The following KIF26B variants were observed in gnomAD, a reference collection of about 807,000 sequenced individuals.
KIF26B encodes kinesin family member 26B.
A neutral mutation model predicts 151.2 loss-of-function variants in KIF26B; 63 were observed. The ratio of observed to expected loss-of-function variants is 0.42; its 90% CI spans 0.34 to 0.51. The LOEUF is 0.51. Among genes scored for constraint, KIF26B ranks in the 20% least tolerant of loss-of-function variants. KIF26B has a pLI of 0.07. For missense variants in KIF26B, 2,813 were observed against 2,913.6 expected, an observed-to-expected ratio of 0.97 and a Z score of 0.79; for synonymous variants, 1,357 against 1,262.1, an observed-to-expected ratio of 1.08 and a Z score of -1.59.
chr1:245,582,961 C>G (rs1268212342), intron 5 of KIF26B, among the ~76,000 whole-genome samples: 3 of 152,082 alleles, frequency 2.0e-5, no homozygotes, highest in Non-Finnish European at 4.4e-5. Flanking sequence ...ACTCCATCCC[C>G]CACTCTCTCT....
intron 4 of KIF26B, among the ~76,000 whole-genome samples, chr1:245,490,536 C>T (rs1660388624): frequency 6.6e-6 from 1 of 152,104 alleles, no homozygotes; most frequent in Non-Finnish European, 1.5e-5. Flanking sequence ...TGGTCTCGAT[C>T]TCCTGACCTC....
intron 9 of KIF26B, among the ~76,000 whole-genome samples, 189 bp from the exon 10 acceptor site, chr1:245,645,932 G>T (rs983060077): frequency 2.0e-5 from 3 of 152,214 alleles, no homozygotes; most frequent in African/African-American, 7.2e-5. Context: ...GTGGTGGAAA[G>T]AATTTAAGAG....
chr1:245,492,775 CTTTTAT>C (rs74163058), intron 4 of KIF26B, among the ~76,000 whole-genome samples: 7 of 151,880 alleles, frequency 4.6e-5, no homozygotes, highest in Non-Finnish European at 8.8e-5. Context: ...GGAAATAAGT[CTTTTAT>C]TTTTATTTTT....
Position 245,688,694 on chromosome 1 carries a change from A to G in KIF26B, c.5711A>G (p.Asp1904Gly). The G allele has an allele frequency of 1.9e-6, 3 of 1,606,662 alleles. No individual in the cohort carries two copies. Among genetic ancestry groups the G allele is most frequent in the South Asian group, 2.2e-5 (2 of 89,922 alleles). Reference protein sequence around the residue: ...GSSGYESVMRDSEATGSASSA... With the variant: ...GSSGYESVMRGSEATGSASSA... ...AGCGGCTACGAGAGCGTGATGCGGG[A>G]CAGCGAGGCCACCGGCAGCGCGTCC... The change falls in exon 12 of 15, where the codon GAC (aspartate) becomes GGC (glycine). Residue 1904 changes from aspartate to glycine, a missense_variant. Transcript: ENST00000407071.
chr1:245,455,073 T>C (rs988637583), intron 4 of KIF26B, among the ~76,000 whole-genome samples: 1 of 152,210 alleles, frequency 6.6e-6, no homozygotes. Flanking sequence ...TACCACTTGC[T>C]GGTCTGTTGT....
At chr1:245,623,488 T>C (rs1423830647) in intron 9 of KIF26B, among the ~76,000 whole-genome samples, 4 of 152,232 alleles carry the variant, frequency 2.6e-5, no homozygotes, top group Admixed American at 2.6e-4. Flanking sequence ...TCCATTCATC[T>C]CTTGATGGAC....
chr1:245,258,731 A>G (rs1670584002), intron 2 of KIF26B, among the ~76,000 whole-genome samples: 1 of 152,022 alleles, frequency 6.6e-6, no homozygotes, highest in Non-Finnish European at 1.5e-5. Context: ...CAAGGCAGCT[A>G]CAGGAGCACA....
chr1:245,313,118 C>T (rs940152037), intron 2 of KIF26B, among the ~76,000 whole-genome samples: 2 of 152,160 alleles, frequency 1.3e-5, no homozygotes, highest in African/African-American at 4.8e-5. Context: ...AAGATCATGA[C>T]ACTGCACTTC....
intron 2 of KIF26B, among the ~76,000 whole-genome samples, chr1:245,228,495 G>A (rs1558353421): frequency 6.6e-6 from 1 of 151,820 alleles, no homozygotes; most frequent in African/African-American, 2.4e-5. Flanking sequence ...GAAACTGGGA[G>A]GTGGAGGTTG....
intron 5 of KIF26B, among the ~76,000 whole-genome samples, chr1:245,550,565 G>C (rs1236426167): frequency 6.6e-6 from 1 of 152,242 alleles, no homozygotes; most frequent in African/African-American, 2.4e-5. Flanking sequence ...CCGGCGCAGT[G>C]GTTAGGCTGG....
chr1:245,508,406 A>G (rs1184165931), intron 4 of KIF26B, among the ~76,000 whole-genome samples: 1 of 151,976 alleles, frequency 6.6e-6, no homozygotes, highest in East Asian at 1.9e-4. Context: ...ACGCCCGGCT[A>G]ATTTTTTGTA....
intron 9 of KIF26B, among the ~76,000 whole-genome samples, chr1:245,641,569 C>T (rs1308584768): frequency 1.3e-5 from 2 of 151,950 alleles, no homozygotes; most frequent in South Asian, 4.2e-4. Context: ...ATAGTCTTGT[C>T]TTTGAGCTCA....
intron 5 of KIF26B, among the ~76,000 whole-genome samples, chr1:245,551,328 C>G (rs962170089): frequency 2.0e-5 from 3 of 152,200 alleles, no homozygotes; most frequent in African/African-American, 7.2e-5. Flanking sequence ...CAAACATGAG[C>G]CACTGCGCAT....
intron 3 of KIF26B, among the ~76,000 whole-genome samples, chr1:245,408,349 C>CTT (rs58724712): frequency 0.019 from 2,177 of 113,194 alleles, 79 homozygotes; most frequent in African/African-American, 0.024. Context: ...TTAAATGATT[C>CTT]TTTTTTTTTT....
intron 2 of KIF26B, among the ~76,000 whole-genome samples, chr1:245,359,874 C>CTTTCTTTT (rs992624473): frequency 9.1e-4 from 127 of 139,604 alleles, no homozygotes; most frequent in African/African-American, 3.3e-3. Flanking sequence ...TTCTTTCTTT[C>CTTTCTTTT]TTTTTTTTTT....
At chr1:245,173,875 G>A (rs559670282) in intron 2 of KIF26B, among the ~76,000 whole-genome samples, 127 of 152,316 alleles carry the variant, frequency 8.3e-4, no homozygotes, top group Non-Finnish European at 1.5e-3. Context: ...CGTGTGACAC[G>A]GGCCAGACCC....
intron 10 of KIF26B, among the ~76,000 whole-genome samples, chr1:245,652,723 C>T (rs1251745353): frequency 6.6e-6 from 1 of 152,182 alleles, no homozygotes; most frequent in African/African-American, 2.4e-5. Context: ...CACATGAACT[C>T]TACACCTCGT....
chr1:245,680,337 C>T (rs2044417384), intron 10 of KIF26B, among the ~76,000 whole-genome samples: 1 of 152,202 alleles, frequency 6.6e-6, no homozygotes, highest in South Asian at 2.1e-4. Context: ...TCACCAGCAG[C>T]TCTACCGGTT....
At chr1:245,230,396 A>G (rs1036659619) in intron 2 of KIF26B, among the ~76,000 whole-genome samples, 2 of 152,188 alleles carry the variant, frequency 1.3e-5, no homozygotes, top group African/African-American at 2.4e-5. Context: ...AGAAAATCCA[A>G]TTGATGTAAG....
Sources: gnomAD v4.1 joint callset for allele counts (sites outside exome capture counted in the v4.1 genomes callset) on GRCh38, gnomAD v4.1.1 for gene constraint, MANE v1.5 for transcripts, NCBI Gene and HGNC (gene_info 2026-07-23, HGNC 2026-07-21) for gene names.